RPA1: variants seen among roughly 807,000 people sequenced by gnomAD.
The protein encoded by RPA1 is replication protein A 70 kDa DNA-binding subunit.
RPA1 carries 49 observed loss-of-function variants against 83.0 expected under a neutral mutation model. The ratio of observed to expected loss-of-function variants is 0.59; its 90% CI spans 0.47 to 0.75. The LOEUF (loss-of-function observed/expected upper bound fraction) is 0.75, where lower values mean the gene tolerates loss of function less well. RPA1 is among the 30% of genes least tolerant of loss of function. The pLI, the probability that RPA1 is intolerant of heterozygous loss-of-function variation, is 0.00. For missense variants in RPA1, 693 were observed against 776.1 expected (o/e 0.89, Z 1.27); for synonymous variants, 279 against 281.8 (o/e 0.99, Z 0.10).
At chr17:1,880,769 T>C in intron 12 of RPA1, 78 bp downstream of exon 12, 4 of 1,572,148 alleles carry the variant, frequency 2.5e-6, no homozygotes, top group Non-Finnish European at 3.5e-6. Context: ...GCATGGGAGC[T>C]TTCTGCCAAG....
intron 5 of RPA1, 25 bp downstream of exon 5, chr17:1,853,214 A>G (rs1298624113): frequency 2.6e-6 from 4 of 1,558,088 alleles, no homozygotes; most frequent in Non-Finnish European, 3.5e-6. Context: ...CGTAGGTTGT[A>G]GCACTCAAAT....
intron 8 of RPA1, among the ~76,000 whole-genome samples, chr17:1,877,641 A>G (rs1162641293): frequency 6.6e-6 from 1 of 152,202 alleles, no homozygotes; most frequent in Non-Finnish European, 1.5e-5. Flanking sequence ...TTCTAAATAT[A>G]TAAGTAGCCT....
Position 1,899,067 on chromosome 17 carries a change from C to T in RPA1, c.*1892C>T, listed in dbSNP as rs541150910. 36 of 152,962 alleles carry T rather than the reference C, an allele frequency of 2.4e-4. No homozygotes were observed. The highest frequency in any genetic ancestry group is 7.7e-4 in the African/African-American group (32 of 41,566). The allele number at this position is 152,962 out of a possible 1,614,324, so 9.5% of individuals were successfully genotyped here. On this transcript the variant is annotated 3_prime_UTR_variant, in exon 17 of 17. Transcript: ENST00000254719. Reference sequence around the variant, plus strand: ...TCCAGGGAACGCTGACACCTGTCCTCGCGCCTTCTCAGTGGCCAGCGTGAT... The same window carrying T: ...TCCAGGGAACGCTGACACCTGTCCTTGCGCCTTCTCAGTGGCCAGCGTGAT...
intron 5 of RPA1, among the ~76,000 whole-genome samples, chr17:1,857,169 T>C (rs919451655): frequency 6.6e-6 from 1 of 152,054 alleles, no homozygotes; most frequent in Admixed American, 6.5e-5. Flanking sequence ...CATAATACTT[T>C]CTTATTTCCC....
At chr17:1,851,778 A>G (rs1912504803) in intron 4 of RPA1, among the ~76,000 whole-genome samples, 1 of 152,208 alleles carries the variant, frequency 6.6e-6, no homozygotes, top group African/African-American at 2.4e-5. Context: ...ATTACAGGGA[A>G]TCTAGATACC....
Position 1,835,001 on chromosome 17 carries a change from G to A in RPA1, c.33+4875G>A, listed in dbSNP as rs536696964. Among the ~76,000 whole-genome samples, 232 of 152,076 alleles carry A rather than the reference G, an allele frequency of 1.5e-3. 1 individual carries two copies. The highest frequency in any genetic ancestry group is 5.4e-3 in the African/African-American group (226 of 41,476). On this transcript the variant is annotated intron_variant, in intron 1 of 16. Coordinates refer to ENST00000254719, the MANE Select transcript of RPA1 (RefSeq NM_002945.5). ...CTCTGTCTCTCGATTACAGACGTGCGCCACCACGCCCAGCTAATTTTTGTA... is the reference window on the plus strand; with the variant it reads ...CTCTGTCTCTCGATTACAGACGTGCACCACCACGCCCAGCTAATTTTTGTA...
intron 4 of RPA1, among the ~76,000 whole-genome samples, chr17:1,851,274 CGTGT>C (rs60091737): frequency 6.6e-6 from 1 of 151,424 alleles, no homozygotes; most frequent in African/African-American, 2.4e-5. Flanking sequence ...TGTGCGTGTG[CGTGT>C]GTGTGTGTGT....
intron 3 of RPA1, among the ~76,000 whole-genome samples, 156 bp from the exon 4 acceptor site, chr17:1,844,422 A>G (rs1400053887): frequency 6.6e-6 from 1 of 152,212 alleles, no homozygotes; most frequent in Non-Finnish European, 1.5e-5. Context: ...TTTAACAGGC[A>G]GCAAAATACA....
chr17:1,896,983 G>A (rs1914458000), intron 16 of RPA1, 88 bp from the exon 17 acceptor site: 1 of 1,059,812 alleles, frequency 9.4e-7, no homozygotes. Flanking sequence ...CCCTCCCGCT[G>A]GGCTCACTGA....
chr17:1,870,792 T>G (rs997245688), intron 5 of RPA1, among the ~76,000 whole-genome samples: 1 of 152,244 alleles, frequency 6.6e-6, no homozygotes, highest in Admixed American at 6.5e-5. Context: ...TAAGCAGATA[T>G]GATCTCAGCA....
intron 15 of RPA1, among the ~76,000 whole-genome samples, chr17:1,893,342 G>A (rs1164647511): frequency 6.6e-6 from 1 of 152,240 alleles, no homozygotes; most frequent in East Asian, 1.9e-4. Flanking sequence ...TGAGATCCTG[G>A]AGTTCGCACT....
chr17:1,879,062 G>A lies in RPA1; in HGVS notation c.759+1G>A, dbSNP rs1913672187. 1 of 1,614,180 alleles carries A rather than the reference G, an allele frequency of 6.2e-7. No individual in the cohort carries two copies. The highest frequency in any genetic ancestry group is 8.5e-7 in the Non-Finnish European group (1 of 1,180,028). Reference sequence around the variant, plus strand: ...CTTTCCTCTTATTGAAGTGAACAAGGTATGGCCGTGCTGACTTTAGAACTG... The same window carrying A: ...CTTTCCTCTTATTGAAGTGAACAAGATATGGCCGTGCTGACTTTAGAACTG... On this transcript the variant is annotated splice_donor_variant, in intron 9 of 16. Transcript: ENST00000254719. LOFTEE classifies it high-confidence loss of function.
intron 13 of RPA1, 91 bp from the exon 14 acceptor site, chr17:1,888,584 C>G (rs1274726174): frequency 2.3e-6 from 3 of 1,305,418 alleles, no homozygotes; most frequent in South Asian, 1.5e-5. Flanking sequence ...CACTTACCAC[C>G]TAAACGTAAG....
At chr17:1,886,532 T>G (rs148028092) in intron 13 of RPA1, among the ~76,000 whole-genome samples, 310 of 152,334 alleles carry the variant, frequency 2.0e-3, no homozygotes, top group African/African-American at 7.0e-3. Context: ...GTTGAAAATC[T>G]GTTGTTGAGT....
chr17:1,830,217 A>C, intron 1 of RPA1, 91 bp downstream of exon 1: 69 of 681,604 alleles, frequency 1.0e-4, no homozygotes, highest in South Asian at 1.4e-4. Context: ...GCCCGGGGCG[A>C]CGGGGGATGA....
intron 1 of RPA1, among the ~76,000 whole-genome samples, chr17:1,837,196 T>G (rs1407033294): frequency 6.6e-6 from 1 of 152,088 alleles, no homozygotes; most frequent in Non-Finnish European, 1.5e-5. Context: ...CTTGAACTCC[T>G]GGGCTCAAGT....
intron 5 of RPA1, among the ~76,000 whole-genome samples, chr17:1,870,231 G>A (rs1913329034): frequency 6.6e-6 from 1 of 152,140 alleles, no homozygotes; most frequent in African/African-American, 2.4e-5. Flanking sequence ...CCTGAAGCAG[G>A]GTGAGCACTC....
At chr17:1,832,071 G>C (rs988626802) in intron 1 of RPA1, among the ~76,000 whole-genome samples, 7 of 151,972 alleles carry the variant, frequency 4.6e-5, no homozygotes, top group East Asian at 1.9e-4. Context: ...TGGGATTACA[G>C]GCATGTACCA....
At chr17:1,845,775 A>T (rs191252233) in intron 4 of RPA1, among the ~76,000 whole-genome samples, 2 of 152,234 alleles carry the variant, frequency 1.3e-5, no homozygotes, top group East Asian at 3.9e-4. Context: ...TACGAAAAAA[A>T]GGAAAAGTTA....
Sources: allele counts gnomAD v4.1 joint callset (sites outside exome capture counted in the v4.1 genomes callset), GRCh38; gene constraint gnomAD v4.1.1; transcripts MANE v1.5; gene names NCBI Gene and HGNC (gene_info 2026-07-23, HGNC 2026-07-21).